PDLIM5: variants seen among roughly 807,000 people sequenced by gnomAD.
The protein encoded by PDLIM5 is PDZ and LIM domain 5, also known as PDZ and LIM domain protein 5.
A neutral mutation model predicts 64.2 loss-of-function variants in PDLIM5; 34 were observed. The observed-to-expected ratio is 0.53, with a 90% confidence interval of 0.40 to 0.71. The LOEUF is 0.71. Ranked by LOEUF, PDLIM5 falls within the 30% of genes least tolerant of loss-of-function variation. The pLI is 0.00. For missense variants in PDLIM5, 683 were observed against 733.6 expected, an observed-to-expected ratio of 0.93 and a Z score of 0.80; for synonymous variants, 253 against 269.1, an observed-to-expected ratio of 0.94 and a Z score of 0.59.
At chr4:94,463,766 T>G (rs1724105224) in intron 2 of PDLIM5, among the ~76,000 whole-genome samples, 1 of 152,248 alleles carries the variant, frequency 6.6e-6, no homozygotes, top group Non-Finnish European at 1.5e-5. Flanking sequence ...CTTTAGCTCC[T>G]TTTAAATGAT....
At chr4:94,652,688 T>C (rs192816431) in intron 9 of PDLIM5, among the ~76,000 whole-genome samples, 1 of 152,236 alleles carries the variant, frequency 6.6e-6, no homozygotes, top group East Asian at 1.9e-4. Flanking sequence ...ACAAAGGCAT[T>C]CCTTATTAGT....
chr4:94,527,161 A>G (rs1021044418), intron 3 of PDLIM5, among the ~76,000 whole-genome samples: 4 of 147,626 alleles, frequency 2.7e-5, no homozygotes, highest in African/African-American at 1.0e-4. Flanking sequence ...GGTTCAAGCA[A>G]TTCTCCTGCC....
chr4:94,609,697 A>G (rs1354890720), intron 7 of PDLIM5, among the ~76,000 whole-genome samples: 3 of 152,158 alleles, frequency 2.0e-5, no homozygotes, highest in East Asian at 1.9e-4. Context: ...TCCTGAAAAC[A>G]TAAGTCGTAT....
At chr4:94,591,872 A>G (rs927500843) in intron 7 of PDLIM5, among the ~76,000 whole-genome samples, 9 of 152,236 alleles carry the variant, frequency 5.9e-5, no homozygotes, top group African/African-American at 2.2e-4. Flanking sequence ...CAAAAGAATC[A>G]TATTTTTGTA....
At chr4:94,481,699 C>T (rs1725867157) in intron 2 of PDLIM5, among the ~76,000 whole-genome samples, 1 of 151,994 alleles carries the variant, frequency 6.6e-6, no homozygotes, top group Admixed American at 6.6e-5. Context: ...AGCTCTGCCT[C>T]CTGGGTTCAC....
chr4:94,571,683 A>G lies in PDLIM5; in HGVS notation c.249-1668A>G, dbSNP rs570456981. ...TACCTCAATTTTTTAAACATCCTTT[A>G]AAAATTATTGTTTTTATGTAATCTA... On this transcript the variant is annotated intron_variant, in intron 3 of 12. Coordinates refer to ENST00000317968, the MANE Select transcript of PDLIM5 (RefSeq NM_006457.5). Among the ~76,000 whole-genome samples, 4 of 152,320 alleles carry G rather than the reference A, an allele frequency of 2.6e-5. No individual in the cohort carries two copies. The East Asian group carries it at 7.7e-4, about 29-fold the overall frequency.
At chr4:94,656,744 C>T (rs548533549) in intron 10 of PDLIM5, 1 of 151,548 alleles carries the variant, frequency 6.6e-6, no homozygotes, top group South Asian at 2.1e-4. Flanking sequence ...ATGCCATTCT[C>T]CTGCCTCAGC....
chr4:94,559,130 T>G (rs1270017320), intron 3 of PDLIM5, among the ~76,000 whole-genome samples: 1 of 152,182 alleles, frequency 6.6e-6, no homozygotes, highest in Admixed American at 6.5e-5. Flanking sequence ...ATAAAAAAGA[T>G]ATTATTATGA....
intron 8 of PDLIM5, among the ~76,000 whole-genome samples, chr4:94,621,320 GA>G (rs1327697592): frequency 6.6e-6 from 1 of 151,940 alleles, no homozygotes; most frequent in East Asian, 1.9e-4. Context: ...TTCTTTTGGG[GA>G]AAAAATGCTA....
chr4:94,456,319 C>T (rs1202824998), intron 2 of PDLIM5: 1 of 544,638 alleles, frequency 1.8e-6, no homozygotes, highest in South Asian at 2.1e-5. Flanking sequence ...CTGCCTCAGC[C>T]TCCCGAGTAG....
Position 94,585,622 on chromosome 4 carries a change from C to T in PDLIM5, c.768C>T (p.His256=), listed in dbSNP as rs1325885528. ...RYTEFYHVPT[H]SDASKKRLIE... ...CAGAGTTTTATCATGTACCCACTCA[C>T]AGTGATGCCAGCAAGAAGAGACTGA... The change falls in exon 6 of 13, where the codon CAC becomes CAT. Residue 256 remains histidine, a synonymous_variant. Coordinates refer to ENST00000317968, the MANE Select transcript of PDLIM5 (RefSeq NM_006457.5). The T allele has an allele frequency of 6.2e-7, 1 of 1,613,066 alleles. No individual in the cohort carries two copies. Among genetic ancestry groups the T allele is most frequent in the Non-Finnish European group, 8.5e-7 (1 of 1,179,588 alleles).
In PDLIM5 at chr4:94,664,306, TA is replaced by T; in HGVS notation, c.*244del. 1.2e-6 allele frequency: 1 copy of T among 825,976 alleles called. No individual in the cohort carries two copies. Among genetic ancestry groups the T allele is most frequent in the Non-Finnish European group, 1.5e-6 (1 of 664,268 alleles). 51.2% of individuals were successfully genotyped at this position (825,976 alleles called of 1,614,324 possible). A position where few individuals can be genotyped will look rare whatever the true frequency, so the allele number is the denominator to read the frequency against. On this transcript the variant is annotated 3_prime_UTR_variant, in exon 13 of 13. Coordinates refer to ENST00000317968, the MANE Select transcript of PDLIM5 (RefSeq NM_006457.5). ...TTTTATGCCCATAAAATAAGCTTTA[TA>T]AAAACCAATTTCCTGATGGACTATT... is the stretch of plus-strand genomic sequence containing the variant.
intron 8 of PDLIM5, among the ~76,000 whole-genome samples, chr4:94,630,955 T>C (rs757290752): frequency 6.6e-6 from 1 of 152,178 alleles, no homozygotes; most frequent in Non-Finnish European, 1.5e-5. Context: ...TTGCCCAGGC[T>C]GAGGTGCAGT....
chr4:94,463,504 C>T (rs945215267), intron 2 of PDLIM5, among the ~76,000 whole-genome samples: 6 of 152,048 alleles, frequency 3.9e-5, no homozygotes, highest in African/African-American at 1.4e-4. Flanking sequence ...AGGGAGTCAT[C>T]ATAAAGGACT....
At chr4:94,529,566 G>A (rs902465115) in intron 3 of PDLIM5, among the ~76,000 whole-genome samples, 1 of 152,046 alleles carries the variant, frequency 6.6e-6, no homozygotes, top group African/African-American at 2.4e-5. Context: ...AAAGATACTT[G>A]CTTGAGTCTG....
At chr4:94,663,829 A>T (rs1742925377) in intron 12 of PDLIM5, 149 bp from the exon 13 acceptor site, 2 of 584,664 alleles carry the variant, frequency 3.4e-6, no homozygotes, top group East Asian at 6.7e-5. Context: ...GTAATCGTCA[A>T]ATATTAGGGA....
In PDLIM5 at chr4:94,631,918, A is replaced by G. The variant is rs530685863; in HGVS notation, c.1109-8358A>G. Among the ~76,000 whole-genome samples, 49 of 152,336 alleles carry G rather than the reference A, an allele frequency of 3.2e-4. 1 individual carries two copies. Among genetic ancestry groups the G allele is most frequent in the Admixed American group, 5.2e-4 (8 of 15,302 alleles). On this transcript the variant is annotated intron_variant, in intron 8 of 12. Coordinates refer to ENST00000317968, the MANE Select transcript of PDLIM5 (RefSeq NM_006457.5). ...ACTCCCACAGACTCAAATGTCGTCA[A>G]TATGTTGGTGACTCTTGAATCAATT...
At chr4:94,477,075 A>G (rs181872609) in intron 2 of PDLIM5, among the ~76,000 whole-genome samples, 211 of 152,294 alleles carry the variant, frequency 1.4e-3, no homozygotes, top group Non-Finnish European at 1.8e-3. Context: ...CCCAGCTTCT[A>G]TGTCTTCAAA....
chr4:94,456,020 C>CCTG, intron 2 of PDLIM5: 1 of 1,394,280 alleles, frequency 7.2e-7, no homozygotes, highest in South Asian at 1.7e-5. Flanking sequence ...GATGATAGCA[C>CCTG]TGATGAGAGG....
Sources: gnomAD v4.1 joint callset for allele counts (sites outside exome capture counted in the v4.1 genomes callset) on GRCh38, gnomAD v4.1.1 for gene constraint, MANE v1.5 for transcripts, NCBI Gene and HGNC (gene_info 2026-07-23, HGNC 2026-07-21) for gene names.